Variants in MFAP3L observed in about 807,000 individuals in gnomAD.
MFAP3L encodes the protein microfibril associated protein 3 like.
MFAP3L carries 5 observed loss-of-function variants against 20.0 expected under a neutral mutation model. That is an observed-to-expected ratio of 0.25 (90% CI 0.13 to 0.53). The LOEUF (loss-of-function observed/expected upper bound fraction) is 0.53, where lower values mean the gene tolerates loss of function less well. Ranked by LOEUF, MFAP3L falls within the 20% of genes least tolerant of loss-of-function variation. The probability of loss-of-function intolerance (pLI) is 0.96; values close to 1 mark genes in which losing one functional copy is unlikely to be tolerated. For missense variants in MFAP3L, 409 were observed against 527.5 expected (o/e 0.78, Z 2.20); for synonymous variants, 219 against 213.0 (o/e 1.03, Z -0.25).
intron 1 of MFAP3L, among the ~76,000 whole-genome samples, chr4:170,007,464 C>T (rs1042166576): frequency 2.6e-5 from 4 of 152,204 alleles, no homozygotes; most frequent in Non-Finnish European, 5.9e-5. Context: ...ACCACCTTCG[C>T]TGGCTGTGTG....
intron 2 of MFAP3L, among the ~76,000 whole-genome samples, chr4:170,003,462 C>T (rs1239612068): frequency 1.3e-5 from 2 of 152,186 alleles, no homozygotes; most frequent in African/African-American, 2.4e-5. Context: ...AGTCAGCTTG[C>T]CAACGCTGAG....
At chr4:169,999,919 T>A (rs1487117093) in intron 2 of MFAP3L, among the ~76,000 whole-genome samples, 1 of 152,194 alleles carries the variant, frequency 6.6e-6, no homozygotes, top group African/African-American at 2.4e-5. Flanking sequence ...TAGGGGTCTG[T>A]CCTGTGCAAT....
chr4:170,009,815 G>A (rs1739264098), intron 1 of MFAP3L, among the ~76,000 whole-genome samples: 1 of 152,090 alleles, frequency 6.6e-6, no homozygotes, highest in South Asian at 2.1e-4. Context: ...TAATCAATAA[G>A]ACTGTTGCCC....
chr4:169,994,494 T>C (rs1560967791), intron 2 of MFAP3L: 7 of 975,682 alleles, frequency 7.2e-6, no homozygotes, highest in Non-Finnish European at 8.5e-6. Flanking sequence ...GTGAAAATAC[T>C]AGTTACAACA....
At chr4:170,003,968 T>A (rs145919366) in intron 2 of MFAP3L, among the ~76,000 whole-genome samples, 7 of 152,300 alleles carry the variant, frequency 4.6e-5, no homozygotes, top group African/African-American at 1.7e-4. Context: ...AGCCACTTTT[T>A]AAAATTGAGA....
chr4:170,017,320 A>G (rs894817482), intron 1 of MFAP3L, among the ~76,000 whole-genome samples: 1 of 152,202 alleles, frequency 6.6e-6, no homozygotes, highest in African/African-American at 2.4e-5. Context: ...AGATCCTGTA[A>G]TTCAAACCCT....
At chr4:170,016,441 C>T (rs915169091) in intron 1 of MFAP3L, among the ~76,000 whole-genome samples, 1 of 152,180 alleles carries the variant, frequency 6.6e-6, no homozygotes, top group Non-Finnish European at 1.5e-5. Flanking sequence ...CCTTTGGAAC[C>T]CTCAGGCCTT....
chr4:170,012,922 T>C (rs1324677556), intron 1 of MFAP3L, among the ~76,000 whole-genome samples: 1 of 152,202 alleles, frequency 6.6e-6, no homozygotes, highest in Non-Finnish European at 1.5e-5. Flanking sequence ...CCAACTACAC[T>C]AATGTTCGGC....
Position 169,991,263 on chromosome 4 carries a change from C to T in MFAP3L, c.*115G>A. ...TTTCTCCTTTTAAAGTGGCATCACT[C>T]CTACCTAAGGGATGAGAGTCTCCTG... On this transcript the variant is annotated 3_prime_UTR_variant, in exon 3 of 3. Coordinates refer to ENST00000361618, the MANE Select transcript of MFAP3L (RefSeq NM_021647.8). This position sits in a 1 kb window ranked among gnomAD's most constrained non-coding sequence, Gnocchi z 4.9. The T allele has an allele frequency of 2.7e-6, 3 of 1,130,874 alleles. No homozygotes were observed. Among genetic ancestry groups the T allele is most frequent in the South Asian group, 3.1e-5 (2 of 65,334 alleles). 70.1% of individuals were successfully genotyped at this position (1,130,874 alleles called of 1,614,324 possible). A position where few individuals can be genotyped will look rare whatever the true frequency, so the allele number is the denominator to read the frequency against.
At chr4:170,012,002 A>G (rs765613533) in intron 1 of MFAP3L, among the ~76,000 whole-genome samples, 4 of 152,194 alleles carry the variant, frequency 2.6e-5, no homozygotes, top group Non-Finnish European at 5.9e-5. Context: ...AGGAGGGGGA[A>G]GTAGGTTGGA....
chr4:170,001,912 A>T, intron 2 of MFAP3L: 1 of 985,036 alleles, frequency 1.0e-6, no homozygotes. Context: ...GACAGGAAAT[A>T]GCCCCATTCT....
intron 1 of MFAP3L, among the ~76,000 whole-genome samples, chr4:170,011,664 C>A (rs1739387689): frequency 6.6e-6 from 1 of 152,042 alleles, no homozygotes; most frequent in Non-Finnish European, 1.5e-5. Context: ...TTGTCAGAAT[C>A]CGGAAGGGGA....
intron 2 of MFAP3L, chr4:169,995,093 A>G (rs1317331177): frequency 6.6e-6 from 1 of 152,222 alleles, no homozygotes; most frequent in Non-Finnish European, 1.5e-5. Flanking sequence ...GTCCATTACT[A>G]GATTCCTCTG....
chr4:170,026,157 A>C (rs1425502336), intron 1 of MFAP3L, 77 bp downstream of exon 1: 2 of 875,840 alleles, frequency 2.3e-6, no homozygotes, highest in Non-Finnish European at 1.4e-6. Flanking sequence ...CCCGGCGCCG[A>C]CTCGGCCGCC....
intron 1 of MFAP3L, among the ~76,000 whole-genome samples, chr4:170,011,678 A>T (rs917582796): frequency 5.3e-5 from 8 of 152,110 alleles, no homozygotes; most frequent in Non-Finnish European, 2.9e-5. Flanking sequence ...AAGGGGACAC[A>T]GGACTCTCCC....
chr4:170,003,203 G>C (rs567788304), intron 2 of MFAP3L, among the ~76,000 whole-genome samples: 9 of 152,290 alleles, frequency 5.9e-5, no homozygotes, highest in Admixed American at 3.3e-4. Context: ...AAACTTGAAA[G>C]TTTTAAAGAG....
At chr4:170,024,538 G>C (rs1039615882) in intron 1 of MFAP3L, among the ~76,000 whole-genome samples, 4 of 152,104 alleles carry the variant, frequency 2.6e-5, no homozygotes, top group African/African-American at 9.7e-5. Flanking sequence ...GAAAAGAGAA[G>C]CACAATTATT....
rs1037260906 is a variant in MFAP3L, at chr4:169,990,664, G to A, written c.*714C>T. The A allele has an allele frequency of 6.6e-6, 1 of 152,430 alleles. No individual in the cohort carries two copies. Among genetic ancestry groups the A allele is most frequent in the Non-Finnish European group, 1.5e-5 (1 of 67,998 alleles). The allele number at this position is 152,430 out of a possible 1,614,324, so 9.4% of individuals were successfully genotyped here. A position where few individuals can be genotyped will look rare whatever the true frequency, so the allele number is the denominator to read the frequency against. Reference sequence around the variant, plus strand: ...CCGGGGCAAAGTTTTTCTCAGTTTCGTTTAACAGCAGCTTCGTTGGAAACA... The same window carrying A: ...CCGGGGCAAAGTTTTTCTCAGTTTCATTTAACAGCAGCTTCGTTGGAAACA... On this transcript the variant is annotated 3_prime_UTR_variant, in exon 3 of 3. Coordinates refer to ENST00000361618, the MANE Select transcript of MFAP3L (RefSeq NM_021647.8).
chr4:170,005,028 C>T (rs1337125321), intron 2 of MFAP3L: 1 of 153,986 alleles, frequency 6.5e-6, no homozygotes, highest in Non-Finnish European at 1.4e-5. Context: ...CAAGCAGTCT[C>T]CTGTTGTCCC....
Sources: gnomAD v4.1 joint callset for allele counts (sites outside exome capture counted in the v4.1 genomes callset) on GRCh38, gnomAD v4.1.1 for gene constraint, Gnocchi (gnomAD v3.1) non-coding constraint, MANE v1.5 for transcripts, NCBI Gene and HGNC (gene_info 2026-07-23, HGNC 2026-07-21) for gene names.